FAM83A: variants seen among roughly 807,000 people sequenced by gnomAD.
The protein encoded by FAM83A is scaffolding CK1 anchoring protein A.
In FAM83A, 21 loss-of-function variants were observed where a neutral mutation model predicts 24.4. The ratio of observed to expected loss-of-function variants is 0.86; its 90% CI spans 0.61 to 1.24. FAM83A has a LOEUF of 1.24. Ranked by LOEUF, FAM83A falls within the 50% of genes most tolerant of loss-of-function variation. The pLI, the probability that FAM83A is intolerant of heterozygous loss-of-function variation, is 0.00. For missense variants in FAM83A, 617 were observed against 579.8 expected, an observed-to-expected ratio of 1.06 and a Z score of -0.66; for synonymous variants, 270 against 252.4, an observed-to-expected ratio of 1.07 and a Z score of -0.66.
At chr8:123,185,468 A>C (rs1408918673) in intron 1 of FAM83A, among the ~76,000 whole-genome samples, 1 of 152,078 alleles carries the variant, frequency 6.6e-6, no homozygotes, top group Non-Finnish European at 1.5e-5. Context: ...TTCTGCATCC[A>C]CCTCTAGGAC....
intron 3 of FAM83A, among the ~76,000 whole-genome samples, chr8:123,203,586 CAAAAAAAAAAAA>C (rs1187426797): frequency 2.4e-5 from 1 of 41,176 alleles, no homozygotes; most frequent in Admixed American, 2.6e-4. Flanking sequence ...AGATCTGTCT[CAAAAAAAAAAAA>C]AAAAAAAAAA....
upstream of FAM83A, chr8:123,180,295 AT>A (rs906382460): frequency 5.3e-5 from 8 of 151,918 alleles, no homozygotes; most frequent in African/African-American, 1.7e-4. Context: ...TAAAAAAAAA[AT>A]AACATAAATG....
Position 123,194,259 on chromosome 8 carries a change from G to T in FAM83A, c.773+111G>T, listed in dbSNP as rs1344212220. On this transcript the variant is annotated intron_variant, in intron 3 of 3. Coordinates refer to ENST00000690554, the Ensembl canonical transcript of FAM83A. Reference sequence around the variant, plus strand: ...AAACACCCCCAGCAGCTCCCAGAAGGTCTCCCTCTGCCCGGAGCTGGAGCT... The same window carrying T: ...AAACACCCCCAGCAGCTCCCAGAAGTTCTCCCTCTGCCCGGAGCTGGAGCT... 2.0e-6 allele frequency: 3 copies of T among 1,464,012 alleles called. No homozygotes were observed. In the East Asian group the frequency reaches 6.9e-5, roughly 34 times the overall value. 90.7% of individuals were successfully genotyped at this position (1,464,012 alleles called of 1,614,324 possible). A position where few individuals can be genotyped will look rare whatever the true frequency, so the allele number is the denominator to read the frequency against.
intron 3 of FAM83A, among the ~76,000 whole-genome samples, chr8:123,206,312 C>G (rs544258477): frequency 1.8e-3 from 273 of 152,276 alleles, no homozygotes; most frequent in Admixed American, 3.9e-3. Context: ...ATAAACCACT[C>G]CTGTCAGCGT....
At chr8:123,188,521 T>C (rs1453967888) in intron 1 of FAM83A, among the ~76,000 whole-genome samples, 1 of 151,874 alleles carries the variant, frequency 6.6e-6, no homozygotes, top group East Asian at 1.9e-4. Flanking sequence ...TCTTGCTCTG[T>C]CACCCAGGCT....
upstream of FAM83A, chr8:123,180,560 G>T (rs1383832301): frequency 6.6e-6 from 1 of 152,346 alleles, no homozygotes; most frequent in Non-Finnish European, 1.5e-5. Flanking sequence ...GTGAAGCCGA[G>T]CAAATCCATG....
chr8:123,183,477 G>A (rs930887311), intron 1 of FAM83A, 141 bp downstream of exon 1: 26 of 1,317,750 alleles, frequency 2.0e-5, no homozygotes, highest in East Asian at 2.5e-5. Flanking sequence ...TTTGCTGTCC[G>A]CCTTGCCCTG....
Position 123,209,394 on chromosome 8 carries a change from G to A in FAM83A, c.*1706G>A, listed in dbSNP as rs1824662356. On this transcript the variant is annotated 3_prime_UTR_variant, in exon 4 of 4. Transcript: ENST00000690554. This position sits in a 1 kb window ranked among gnomAD's most constrained non-coding sequence, Gnocchi z 4.7. Reference sequence around the variant, plus strand: ...ATTATTATTATTATTATTAATTATTGTATTCCTGTCCTTCACTTTTTTCCT... The same window carrying A: ...ATTATTATTATTATTATTAATTATTATATTCCTGTCCTTCACTTTTTTCCT... 1 of 1,595,220 alleles carries A rather than the reference G, an allele frequency of 6.3e-7. No homozygotes were observed. Among genetic ancestry groups the A allele is most frequent in the East Asian group, 2.3e-5 (1 of 44,418 alleles).
chr8:123,194,182 A>C (rs201483966), intron 3 of FAM83A, 34 bp downstream of exon 3: 1 of 1,612,254 alleles, frequency 6.2e-7, no homozygotes, highest in Admixed American at 1.7e-5. Flanking sequence ...TCAAGGATTC[A>C]TGGAGAACAA....
chr8:123,192,085 C>T, intron 2 of FAM83A, 115 bp downstream of exon 2: 1 of 1,247,702 alleles, frequency 8.0e-7, no homozygotes, highest in East Asian at 2.4e-5. Flanking sequence ...AATAAAGGTT[C>T]ATTTCTTGCT....
chr8:123,206,001 G>C (rs995803163), intron 3 of FAM83A, among the ~76,000 whole-genome samples: 4 of 151,988 alleles, frequency 2.6e-5, no homozygotes. Flanking sequence ...AAATTAGCTG[G>C]GCGTGGTGGC....
At chr8:123,187,724 GAC>G (rs1163050004) in intron 1 of FAM83A, among the ~76,000 whole-genome samples, 3 of 152,308 alleles carry the variant, frequency 2.0e-5, no homozygotes, top group Admixed American at 6.5e-5. Flanking sequence ...AGGGGGTCCT[GAC>G]ACAAAATGGA....
At chr8:123,192,708 C>T (rs1270481248) in intron 2 of FAM83A, among the ~76,000 whole-genome samples, 3 of 152,106 alleles carry the variant, frequency 2.0e-5, no homozygotes, top group African/African-American at 4.8e-5. Context: ...AAGAATGAAG[C>T]CTCCTCCCTC....
chr8:123,186,279 A>AG (rs1359326519), intron 1 of FAM83A, among the ~76,000 whole-genome samples: 11 of 152,204 alleles, frequency 7.2e-5, no homozygotes, highest in South Asian at 4.1e-4. Flanking sequence ...CCCCACGTGC[A>AG]GGGACTCAGG....
At chr8:123,193,931 GGGGGTAAA>G in intron 2 of FAM83A, 85 bp from the exon 3 acceptor site, 1 of 1,491,918 alleles carries the variant, frequency 6.7e-7, no homozygotes, top group Non-Finnish European at 9.1e-7. Flanking sequence ...AACACAGAAT[GGGGGTAAA>G]GGGAACATAA....
At chr8:123,201,928 G>A (rs1314736009) in intron 3 of FAM83A, 2 of 152,586 alleles carry the variant, frequency 1.3e-5, no homozygotes, top group Admixed American at 1.3e-4. Flanking sequence ...AGCAGGTCCA[G>A]GAGGTCGGTG....
intron 3 of FAM83A, among the ~76,000 whole-genome samples, chr8:123,194,552 C>A (rs1452304823): frequency 6.6e-6 from 1 of 150,816 alleles, no homozygotes; most frequent in African/African-American, 2.4e-5. Context: ...GGTGCAATCA[C>A]AGCTCATTGC....
upstream of FAM83A, chr8:123,182,477 A>C: frequency 2.3e-6 from 1 of 428,392 alleles, no homozygotes; most frequent in Non-Finnish European, 4.7e-6. Context: ...CCTGCTTGGT[A>C]ACAAAGGCCT....
Position 123,182,778 on chromosome 8 carries a change from G to A in FAM83A, c.-79G>A, listed in dbSNP as rs923978850. ...GGGGGTGCGGGAGCCCCACTCCTCC[G>A]TGGTGTGTTCCATTTGCTTCCCACA... On this transcript the variant is annotated 5_prime_UTR_variant, in exon 1 of 4. The change creates a new upstream start codon in the 5' untranslated region. Transcript: ENST00000690554. The A allele has an allele frequency of 1.9e-5, 28 of 1,493,834 alleles. No individual in the cohort carries two copies. The highest frequency in any genetic ancestry group is 2.5e-5 in the Non-Finnish European group (28 of 1,118,406). 92.5% of individuals were successfully genotyped at this position (1,493,834 alleles called of 1,614,324 possible). A position where few individuals can be genotyped will look rare whatever the true frequency, so the allele number is the denominator to read the frequency against.
Sources: gnomAD v4.1 joint callset for allele counts (sites outside exome capture counted in the v4.1 genomes callset) on GRCh38, gnomAD v4.1.1 for gene constraint, Gnocchi (gnomAD v3.1) non-coding constraint, MANE v1.5 for transcripts, NCBI Gene and HGNC (gene_info 2026-07-23, HGNC 2026-07-21) for gene names.